LMBRD1: variants seen among roughly 807,000 people sequenced by gnomAD.
LMBRD1 encodes the protein lysosomal cobalamin transport escort protein LMBD1.
LMBRD1 carries 64 observed loss-of-function variants against 74.8 expected under a neutral mutation model. The observed-to-expected ratio is 0.86, with a 90% confidence interval of 0.70 to 1.05. The LOEUF (loss-of-function observed/expected upper bound fraction) is 1.05. Among genes scored for constraint, LMBRD1 ranks in the 50% least tolerant of loss-of-function variants. The pLI, the probability that LMBRD1 is intolerant of heterozygous loss-of-function variation, is 0.00. For missense variants in LMBRD1, 652 were observed against 645.9 expected (o/e 1.01, Z -0.10); for synonymous variants, 204 against 216.3 (o/e 0.94, Z 0.50).
At chr6:69,708,318 A>G (rs1277943594) in intron 9 of LMBRD1, among the ~76,000 whole-genome samples, 1 of 152,218 alleles carries the variant, frequency 6.6e-6, no homozygotes, top group Non-Finnish European at 1.5e-5. Flanking sequence ...CTTCATTTCC[A>G]TGGTAGGATT....
intron 1 of LMBRD1, among the ~76,000 whole-genome samples, chr6:69,791,170 C>T (rs1222952704): frequency 1.3e-5 from 2 of 152,178 alleles, no homozygotes. Flanking sequence ...TTTAATGATT[C>T]TCTAACGTTA....
At chr6:69,794,482 C>T (rs1766167989) in intron 1 of LMBRD1, among the ~76,000 whole-genome samples, 1 of 152,218 alleles carries the variant, frequency 6.6e-6, no homozygotes, top group South Asian at 2.1e-4. Flanking sequence ...AAACCAACCA[C>T]TCTTCAAGGA....
intron 1 of LMBRD1, among the ~76,000 whole-genome samples, chr6:69,791,195 C>G (rs1318286136): frequency 6.6e-6 from 1 of 152,230 alleles, no homozygotes; most frequent in Admixed American, 6.5e-5. Flanking sequence ...GCATCGGAAT[C>G]ACTTGGAGGA....
At chr6:69,726,107 C>T (rs1292724112) in intron 7 of LMBRD1, among the ~76,000 whole-genome samples, 1 of 152,088 alleles carries the variant, frequency 6.6e-6, no homozygotes, top group African/African-American at 2.4e-5. Flanking sequence ...AATAGACATA[C>T]AAATGACAGA....
chr6:69,749,883 C>A (rs1295823492), intron 4 of LMBRD1, among the ~76,000 whole-genome samples: 1 of 135,330 alleles, frequency 7.4e-6, no homozygotes, highest in African/African-American at 3.1e-5. Context: ...TATATATACA[C>A]ATATACATAC....
At chr6:69,747,988 C>T (rs961679575) in intron 5 of LMBRD1, among the ~76,000 whole-genome samples, 4 of 152,176 alleles carry the variant, frequency 2.6e-5, no homozygotes, top group African/African-American at 9.7e-5. Flanking sequence ...GGCTGAAATG[C>T]TAATAGTCTT....
In LMBRD1 at chr6:69,769,568, A is replaced by C. The variant is rs1011176926; in HGVS notation, c.307+10926T>G. On this transcript the variant is annotated intron_variant, in intron 3 of 15. Coordinates refer to ENST00000649934, the MANE Select transcript of LMBRD1 (RefSeq NM_018368.4). ...CTTTGCATATTTTATAATTTTATTG[A>C]AACTGGACATGTTAGACAATATGTT... 7.2e-5 allele frequency among the ~76,000 whole-genome samples: 11 copies of C among 152,154 alleles called. No homozygotes were observed. The South Asian group carries it at 2.3e-3, about 32-fold the overall frequency.
At chr6:69,691,294 T>C (rs898003138) in intron 14 of LMBRD1, among the ~76,000 whole-genome samples, 4 of 151,948 alleles carry the variant, frequency 2.6e-5, no homozygotes, top group Non-Finnish European at 5.9e-5. Flanking sequence ...TCTTATACTA[T>C]CTGTGCAACT....
rs184263088 is a variant in LMBRD1, at chr6:69,704,638, T to C, written c.916-2685A>G. Among the ~76,000 whole-genome samples, 35 of 149,136 alleles carry C rather than the reference T, an allele frequency of 2.3e-4. No individual in the cohort carries two copies. The East Asian group carries it at 6.2e-3, about 26-fold the overall frequency. ...AATCAGACATTTCTCCAAGCAGCCC[T>C]GGTTCCTTTTAATGAAGTTAGGTAG... On this transcript the variant is annotated intron_variant, in intron 9 of 15. Coordinates refer to ENST00000649934, the MANE Select transcript of LMBRD1 (RefSeq NM_018368.4).
intron 7 of LMBRD1, among the ~76,000 whole-genome samples, chr6:69,719,929 G>A (rs1476179697): frequency 1.3e-5 from 2 of 152,178 alleles, no homozygotes; most frequent in African/African-American, 2.4e-5. Flanking sequence ...AATGTGAGCA[G>A]AAGTGATAAA....
intron 7 of LMBRD1, among the ~76,000 whole-genome samples, chr6:69,735,268 A>T (rs184273248): frequency 6.6e-6 from 1 of 152,208 alleles, no homozygotes. Flanking sequence ...ACTAACTCCT[A>T]CTGGCACAAT....
At chr6:69,684,387 T>C (rs1024501887) in intron 14 of LMBRD1, among the ~76,000 whole-genome samples, 1 of 149,950 alleles carries the variant, frequency 6.7e-6, no homozygotes, top group African/African-American at 2.5e-5. Context: ...AAAGAGAAAA[T>C]AGAAAATAGA....
chr6:69,744,455 C>A (rs898181747), intron 5 of LMBRD1, among the ~76,000 whole-genome samples: 2 of 152,164 alleles, frequency 1.3e-5, no homozygotes, highest in Admixed American at 6.5e-5. Flanking sequence ...TCCCTCATGC[C>A]CTTGAAAATA....
intron 7 of LMBRD1, among the ~76,000 whole-genome samples, chr6:69,719,285 A>C (rs144935291): frequency 8.2e-4 from 125 of 152,264 alleles, no homozygotes; most frequent in African/African-American, 2.8e-3. Flanking sequence ...CAAATTTATA[A>C]TACTATTCCT....
At chr6:69,743,024 G>A (rs1007083479) in intron 5 of LMBRD1, among the ~76,000 whole-genome samples, 3 of 151,944 alleles carry the variant, frequency 2.0e-5, no homozygotes, top group Non-Finnish European at 4.4e-5. Flanking sequence ...ATTATTTGTT[G>A]CCCCAGGTAT....
chr6:69,790,621 G>C, intron 1 of LMBRD1, 149 bp from the exon 2 acceptor site: 1 of 725,074 alleles, frequency 1.4e-6, no homozygotes, highest in Non-Finnish European at 2.4e-6. Context: ...TTAAAAACTT[G>C]TCCAAGATGT....
chr6:69,795,225 A>G (rs1418701999), intron 1 of LMBRD1, among the ~76,000 whole-genome samples: 2 of 152,252 alleles, frequency 1.3e-5, no homozygotes, highest in African/African-American at 4.8e-5. Context: ...TATCCACGAC[A>G]ACATTCAATT....
chr6:69,782,362 C>T (rs1336281946), intron 2 of LMBRD1, among the ~76,000 whole-genome samples: 3 of 152,180 alleles, frequency 2.0e-5, no homozygotes, highest in East Asian at 1.9e-4. Context: ...ATTGTCCTAG[C>T]ATTCAGTGAA....
chr6:69,753,688 T>C (rs1765211671), intron 3 of LMBRD1, among the ~76,000 whole-genome samples: 1 of 152,184 alleles, frequency 6.6e-6, no homozygotes, highest in Non-Finnish European at 1.5e-5. Flanking sequence ...GCCACCCAAG[T>C]GTCCACTGAT....
Sources: allele counts gnomAD v4.1 joint callset (sites outside exome capture counted in the v4.1 genomes callset), GRCh38; gene constraint gnomAD v4.1.1; transcripts MANE v1.5; gene names NCBI Gene and HGNC (gene_info 2026-07-23, HGNC 2026-07-21).